Variants in ANKAR observed in about 807,000 individuals in gnomAD.
ANKAR encodes ankyrin and armadillo repeat-containing protein.
A neutral mutation model predicts 146.2 loss-of-function variants in ANKAR; 136 were observed. That is an observed-to-expected ratio of 0.93 (90% CI 0.81 to 1.07). The LOEUF (loss-of-function observed/expected upper bound fraction) is 1.07, where lower values mean the gene tolerates loss of function less well. ANKAR is among the 50% of genes least tolerant of loss of function. The pLI, the probability that ANKAR is intolerant of heterozygous loss-of-function variation, is 0.00. For missense variants in ANKAR, 1,567 were observed against 1,679.9 expected (o/e 0.93, Z 1.18); for synonymous variants, 500 against 575.8 (o/e 0.87, Z 1.88).
chr2:189,706,078 T>C (rs567244417), intron 8 of ANKAR, among the ~76,000 whole-genome samples: 6 of 151,660 alleles, frequency 4.0e-5, no homozygotes, highest in African/African-American at 1.2e-4. Context: ...CAACTCCTGC[T>C]TTCACCATCA....
chr2:189,745,146 G>A (rs144329544), intron 22 of ANKAR, among the ~76,000 whole-genome samples: 18 of 151,904 alleles, frequency 1.2e-4, no homozygotes, highest in African/African-American at 2.7e-4. Context: ...AGCTGAGATC[G>A]CACCACTGCA....
chr2:189,728,467 T>C (rs2105832158), intron 14 of ANKAR, 47 bp downstream of exon 14: 1 of 1,545,342 alleles, frequency 6.5e-7, no homozygotes, highest in Non-Finnish European at 8.7e-7. Context: ...AGACAGGATC[T>C]TGCTCTGTTG....
chr2:189,696,899 AC>A (rs1246840245), intron 7 of ANKAR, among the ~76,000 whole-genome samples: 34 of 152,200 alleles, frequency 2.2e-4, no homozygotes, highest in Non-Finnish European at 1.5e-5. Flanking sequence ...ACATTTAATA[AC>A]AAAAAATTTC....
In ANKAR at chr2:189,733,236, C is replaced by A; in HGVS notation, c.3423+7C>A. 6.3e-7 allele frequency: 1 copy of A among 1,576,724 alleles called. No homozygotes were observed. Among genetic ancestry groups the A allele is most frequent in the Non-Finnish European group, 8.6e-7 (1 of 1,165,034 alleles). On this transcript the variant is annotated splice_region_variant and intron_variant, in intron 17 of 22. Transcript: ENST00000684021. The stretch of plus-strand genomic sequence containing the variant: ...TCTTCACTCAACAGAAAAGGTAATA[C>A]CTTTACAAAATATTGAGGTTCATTT...
intron 8 of ANKAR, among the ~76,000 whole-genome samples, chr2:189,706,727 T>TA (rs2039003366): frequency 6.6e-6 from 1 of 152,132 alleles, no homozygotes; most frequent in Non-Finnish European, 1.5e-5. Flanking sequence ...GGCATGATAA[T>TA]TAAGTTGGGG....
intron 7 of ANKAR, among the ~76,000 whole-genome samples, chr2:189,696,920 A>G (rs1354959330): frequency 1.3e-5 from 2 of 152,182 alleles, no homozygotes; most frequent in Admixed American, 6.5e-5. Context: ...CTTTATCATA[A>G]TAATGTTTAG....
At chr2:189,742,427 TAGAC>T (rs1485476613) in intron 20 of ANKAR, among the ~76,000 whole-genome samples, 1 of 152,070 alleles carries the variant, frequency 6.6e-6, no homozygotes, top group African/African-American at 2.4e-5. Context: ...CTATGGGTCA[TAGAC>T]AGAGGGTATT....
At chr2:189,725,279 TACACAC>T (rs10546393) in intron 12 of ANKAR, among the ~76,000 whole-genome samples, 78,720 of 146,444 alleles carry the variant, frequency 0.54, 24,000 homozygotes, top group South Asian at 0.68. Flanking sequence ...TATGGATTTA[TACACAC>T]ACACACACAC....
chr2:189,699,275 G>A (rs2037714084), intron 7 of ANKAR, among the ~76,000 whole-genome samples: 1 of 152,236 alleles, frequency 6.6e-6, no homozygotes, highest in Non-Finnish European at 1.5e-5. Flanking sequence ...GAGGACAAGT[G>A]CTTAGTTTGC....
chr2:189,676,905 T>C lies in ANKAR; in HGVS notation c.415T>C (p.Tyr139His). The C allele has an allele frequency of 6.2e-7, 1 of 1,614,178 alleles. No homozygotes were observed. The highest frequency in any genetic ancestry group is 1.1e-5 in the South Asian group (1 of 91,082). Residue 139 changes from tyrosine (Y) to histidine (H), a missense_variant, in exon 2 of 23, where the codon TAT becomes CAT. Transcript: ENST00000684021. ...SSSCQLPPAY[Y>H]DTRIGQILIN... ...TTCTTGTCAATTACCTCCAGCTTAT[T>C]ATGATACCAGAATTGGGCAAATTCT...
At position 189,694,926 on chromosome 2, in the gene ANKAR, G is replaced by A. The variant is rs2036971754; in HGVS notation, c.1308-55G>A. 8 of 1,169,798 alleles carry A rather than the reference G, an allele frequency of 6.8e-6. No individual in the cohort carries two copies. In the South Asian group the frequency reaches 2.0e-4, roughly 30 times the overall value. The allele number at this position is 1,169,798 out of a possible 1,614,324, so 72.5% of individuals were successfully genotyped here. On this transcript the variant is annotated intron_variant, in intron 5 of 22. Coordinates refer to ENST00000684021, the MANE Select transcript of ANKAR (RefSeq NM_001378068.1). ...AAGTTTTGCCAGCATAGAAAGAGAA[G>A]TAGCAAATCACTTCAAAGTTAGAGA... is the stretch of plus-strand genomic sequence containing the variant.
intron 19 of ANKAR, 54 bp downstream of exon 19, chr2:189,738,736 G>A: frequency 8.8e-7 from 1 of 1,132,246 alleles, no homozygotes; most frequent in East Asian, 2.4e-5. Flanking sequence ...TTCAAAAACA[G>A]TTTATTGTAA....
At chr2:189,761,543 A>G (rs1384333820), downstream of ANKAR, 2 of 1,612,106 alleles carry the variant, frequency 1.2e-6, no homozygotes, top group Non-Finnish European at 1.7e-6. Flanking sequence ...ATGAAGAAAT[A>G]GTGTTCCAGG....
chr2:189,742,967 CACACACACACACA>C (rs1559147989), intron 20 of ANKAR, among the ~76,000 whole-genome samples: 127 of 136,560 alleles, frequency 9.3e-4, no homozygotes, highest in Non-Finnish European at 1.7e-3. Context: ...CACACACACA[CACACACACACACA>C]CCCCTGAAAG....
In ANKAR at chr2:189,722,216, G is replaced by A. The variant is rs2041341724; in HGVS notation, c.2635+1429G>A. Among the ~76,000 whole-genome samples, 3 of 151,726 alleles carry A rather than the reference G, an allele frequency of 2.0e-5. No homozygotes were observed. In the South Asian group the frequency reaches 6.2e-4, roughly 31 times the overall value. Reference sequence around the variant, plus strand: ...CAGCTGGGTGTGGTGGTGCACGCCTGTAATCCCAGCTACTTGGGAGGCTGA... The same window carrying A: ...CAGCTGGGTGTGGTGGTGCACGCCTATAATCCCAGCTACTTGGGAGGCTGA... On this transcript the variant is annotated intron_variant, in intron 12 of 22. Coordinates refer to ENST00000684021, the MANE Select transcript of ANKAR (RefSeq NM_001378068.1).
At chr2:189,686,384 A>G (rs1271824973) in intron 2 of ANKAR, among the ~76,000 whole-genome samples, 1 of 152,236 alleles carries the variant, frequency 6.6e-6, no homozygotes, top group African/African-American at 2.4e-5. Context: ...AACTATCTTA[A>G]AAAGACTATT....
intron 17 of ANKAR, among the ~76,000 whole-genome samples, chr2:189,734,099 T>C (rs1222791626): frequency 6.6e-6 from 1 of 152,214 alleles, no homozygotes; most frequent in Non-Finnish European, 1.5e-5. Flanking sequence ...TCTTCTTCAC[T>C]CACCTTCCCA....
At chr2:189,727,112 C>T (rs995856576) in intron 12 of ANKAR, among the ~76,000 whole-genome samples, 1 of 150,830 alleles carries the variant, frequency 6.6e-6, no homozygotes, top group Non-Finnish European at 1.5e-5. Context: ...ATGATAATAC[C>T]CATATTGAAA....
intron 5 of ANKAR, 72 bp from the exon 6 acceptor site, chr2:189,694,909 C>A: frequency 9.9e-7 from 1 of 1,006,162 alleles, no homozygotes; most frequent in Non-Finnish European, 1.3e-6. Context: ...AAAAGTTTTG[C>A]CAGCATAGAA....
Sources: allele counts gnomAD v4.1 joint callset (sites outside exome capture counted in the v4.1 genomes callset), GRCh38; gene constraint gnomAD v4.1.1; transcripts MANE v1.5; gene names NCBI Gene and HGNC (gene_info 2026-07-23, HGNC 2026-07-21).